Variants in ZNF721 observed in about 807,000 individuals in gnomAD.
The protein encoded by ZNF721 is zinc finger protein 721.
In ZNF721, 2 loss-of-function variants were observed where a neutral mutation model predicts 2.4. That is an observed-to-expected ratio of 0.82 (90% CI 0.34 to 2.58). The LOEUF (loss-of-function observed/expected upper bound fraction) is 2.58, where lower values mean the gene tolerates loss of function less well. ZNF721 is among the 30% of genes most tolerant of loss of function. The pLI is 0.11. For synonymous variants in ZNF721, 398 were observed against 381.8 expected, an observed-to-expected ratio of 1.04 and a Z score of -0.50; for missense variants, 1,187 against 1,085.5, an observed-to-expected ratio of 1.09 and a Z score of -1.31.
chr4:468,148 T>C (rs2108708622), intron 2 of ZNF721, among the ~76,000 whole-genome samples: 1 of 152,040 alleles, frequency 6.6e-6, no homozygotes, highest in East Asian at 1.9e-4. Context: ...GCGCCTTTAG[T>C]CCCAGCTACT....
intron 2 of ZNF721, among the ~76,000 whole-genome samples, chr4:445,352 C>A (rs1321458640): frequency 6.6e-6 from 1 of 152,138 alleles, no homozygotes; most frequent in Non-Finnish European, 1.5e-5. Flanking sequence ...AAATTCCAGA[C>A]AAGAGACATC....
intron 2 of ZNF721, 40 bp downstream of exon 2, chr4:472,535 A>G (rs1553867836): frequency 5.7e-6 from 9 of 1,572,188 alleles, no homozygotes; most frequent in Non-Finnish European, 6.9e-6. Flanking sequence ...AATAAAACTC[A>G]GAGGGAGTAT....
intron 2 of ZNF721, among the ~76,000 whole-genome samples, chr4:463,972 T>TA (rs1244955648): frequency 2.0e-5 from 3 of 152,104 alleles, no homozygotes; most frequent in Non-Finnish European, 2.9e-5. Flanking sequence ...ATAATTATCT[T>TA]AAAAAATCTC....
chr4:448,125 C>T (rs1379854484), intron 2 of ZNF721, among the ~76,000 whole-genome samples: 1 of 152,144 alleles, frequency 6.6e-6, no homozygotes, highest in African/African-American at 2.4e-5. Flanking sequence ...ATAGCTCATA[C>T]AATATTCTCC....
chr4:443,915 C>G lies in ZNF721; in HGVS notation c.552G>C (p.Lys184Asn). 1 of 1,614,076 alleles carries G rather than the reference C, an allele frequency of 6.2e-7. No homozygotes were observed. Among genetic ancestry groups the G allele is most frequent in the Non-Finnish European group, 8.5e-7 (1 of 1,180,010 alleles). The change falls in exon 3 of 3, where the codon AAG (lysine) becomes AAC (asparagine). Residue 184 changes from lysine (K) to asparagine (N), a missense_variant. Coordinates refer to ENST00000511833, the MANE Select transcript of ZNF721 (RefSeq NM_133474.4). ...AAGCTTTCTCTCTGTTGTGAATTCT[C>G]TTATGTGCAGTAAGGTTTGTTGACC... The part of the protein sequence containing the change: ...FNRSTNLTAH[K>N]RIHNREKAYT...
chr4:450,722 C>T (rs531041089), intron 2 of ZNF721, among the ~76,000 whole-genome samples: 85 of 151,562 alleles, frequency 5.6e-4, no homozygotes, highest in African/African-American at 1.6e-3. Flanking sequence ...CACATCACGA[C>T]GTCAGGAGAT....
At chr4:491,771 T>C (rs899404892) in intron 1 of ZNF721, among the ~76,000 whole-genome samples, 6 of 152,192 alleles carry the variant, frequency 3.9e-5, no homozygotes, top group Non-Finnish European at 8.8e-5. Flanking sequence ...GTGTCCTTTT[T>C]AGACCCAGGA....
chr4:445,010 A>C (rs1383144492), intron 2 of ZNF721, among the ~76,000 whole-genome samples: 1 of 115,352 alleles, frequency 8.7e-6, no homozygotes. Flanking sequence ...TTTGAGATGG[A>C]GTCTCACTCT....
intron 1 of ZNF721, among the ~76,000 whole-genome samples, chr4:490,423 T>C (rs377543315): frequency 2.0e-5 from 3 of 151,642 alleles, no homozygotes; most frequent in African/African-American, 7.3e-5. Flanking sequence ...GAGCCAAGAT[T>C]GTGCCACTGC....
intron 2 of ZNF721, among the ~76,000 whole-genome samples, chr4:449,680 CAA>C (rs1369545505): frequency 3.9e-5 from 6 of 152,154 alleles, no homozygotes; most frequent in African/African-American, 1.2e-4. Context: ...ATACATATGA[CAA>C]AAGATAAATT....
rs369813640 is a variant in ZNF721 at position 442,686 on chromosome 4, A to G, written c.1781T>C (p.Phe594Ser). 1.3e-4 allele frequency: 207 copies of G among 1,614,030 alleles called. No homozygotes were observed. Among genetic ancestry groups the G allele is most frequent in the Non-Finnish European group, 1.7e-4 (198 of 1,180,018 alleles). The change falls in exon 3 of 3, where the codon TTT (phenylalanine) becomes TCT (serine). Residue 594 changes from phenylalanine to serine, a missense_variant. Phe to Ser is a radical substitution (Grantham distance 155, BLOSUM62 -2). Coordinates refer to ENST00000511833, the MANE Select transcript of ZNF721 (RefSeq NM_133474.4). The stretch of plus-strand genomic sequence containing the variant: ...TTGATTCAGGTCTGTGTACCGTCCA[A>G]AGGCTTTGCCACACTCTTCACATTT... ...PYKCEECGKA[F>S]GRYTDLNQHK... is the part of the protein sequence containing the mutation.
intron 2 of ZNF721, among the ~76,000 whole-genome samples, chr4:454,927 C>T (rs1714798910): frequency 6.6e-6 from 1 of 152,184 alleles, no homozygotes. Flanking sequence ...AAAAGCCCCT[C>T]GTGACTGGGC....
Position 444,206 on chromosome 4 carries a change from G to C in ZNF721, c.261C>G (p.Val87=). The change falls in exon 3 of 3, where the codon GTC becomes GTG. Residue 87 remains valine (V), a synonymous_variant. Coordinates refer to ENST00000511833, the MANE Select transcript of ZNF721 (RefSeq NM_133474.4). ...QSKIFQCNAR[V]KVFSKFANSN... is the part of the protein sequence containing the mutation. Reference sequence around the variant, plus strand: ...AATTTGCAAATTTACTAAAAACTTTGACACGTGCATTACATTGAAATATTT... The same window carrying C: ...AATTTGCAAATTTACTAAAAACTTTCACACGTGCATTACATTGAAATATTT... The C allele has an allele frequency of 6.2e-7, 1 of 1,613,652 alleles. No homozygotes were observed. Among genetic ancestry groups the C allele is most frequent in the Non-Finnish European group, 8.5e-7 (1 of 1,179,746 alleles).
rs1351544109 is a variant in ZNF721 at position 443,143 on chromosome 4, C to G, written c.1324G>C (p.Asp442His). 3 of 1,613,724 alleles carry G rather than the reference C, an allele frequency of 1.9e-6. No individual in the cohort carries two copies. The highest frequency in any genetic ancestry group is 2.5e-6 in the Non-Finnish European group (3 of 1,179,882). ...CATTCTTTACATTTGTAGGGTTTAT[C>G]TCCAGTATGAATTTTCTTATATTCA... ...LNEYKKIHTG[D>H]KPYKCKECGK... The change falls in exon 3 of 3, where the codon GAT becomes CAT. Residue 442 changes from aspartate (D) to histidine (H), a missense_variant. By Grantham distance (81) the Asp-to-His change is moderately conservative. Coordinates refer to ENST00000511833, the MANE Select transcript of ZNF721 (RefSeq NM_133474.4).
intron 2 of ZNF721, among the ~76,000 whole-genome samples, chr4:456,962 A>G (rs1714868070): frequency 6.6e-6 from 1 of 152,188 alleles, no homozygotes; most frequent in Admixed American, 6.5e-5. Flanking sequence ...GAAAGAATAA[A>G]AAATTCTGAT....
chr4:463,813 G>A (rs1048270229), intron 2 of ZNF721, among the ~76,000 whole-genome samples: 8 of 152,062 alleles, frequency 5.3e-5, no homozygotes, highest in Non-Finnish European at 7.4e-5. Context: ...TGTAGATGAC[G>A]GGTTGATGGG....
Position 442,326 on chromosome 4 carries a change from G to A in ZNF721, c.2141C>T (p.Thr714Ile). The A allele has an allele frequency of 6.2e-7, 1 of 1,613,422 alleles. No homozygotes were observed. The highest frequency in any genetic ancestry group is 8.5e-7 in the Non-Finnish European group (1 of 1,179,700). ...KAFSRSRNLT[T>I]HRRVHTREKP... The stretch of plus-strand genomic sequence containing the variant: ...CTCCCTAGTGTGAACTCTCCTATGT[G>A]TAGTAAGGTTTCTTGACCTACTAAA... The change falls in exon 3 of 3, where the codon ACA (threonine) becomes ATA (isoleucine). Residue 714 changes from threonine (T) to isoleucine (I), a missense_variant. Thr to Ile is a moderately conservative substitution (Grantham distance 89). Coordinates refer to ENST00000511833, the MANE Select transcript of ZNF721 (RefSeq NM_133474.4).
In ZNF721 at chr4:498,587, G is replaced by C. The variant is rs1017459790; in HGVS notation, c.-94+469C>G. ...GAAACCCTATCATTTGCCACAACAC[G>C]GATAAACCTGAGGATATCATGTAAG... On this transcript the variant is annotated intron_variant, in intron 1 of 2. Coordinates refer to ENST00000511833, the MANE Select transcript of ZNF721 (RefSeq NM_133474.4). 7.7e-4 allele frequency among the ~76,000 whole-genome samples: 117 copies of C among 152,178 alleles called. 1 individual carries two copies. Among genetic ancestry groups the C allele is most frequent in the Non-Finnish European group, 1.0e-4 (7 of 68,014 alleles).
chr4:443,249 T>C lies in ZNF721; in HGVS notation c.1218A>G (p.Ala406=), dbSNP rs1339359206. The C allele has an allele frequency of 6.2e-7, 1 of 1,614,072 alleles. No individual in the cohort carries two copies. The change falls in exon 3 of 3, where the codon GCA becomes GCG. Residue 406 remains alanine (A), a synonymous_variant. Transcript: ENST00000511833. The stretch of plus-strand genomic sequence containing the variant: ...TCTCTCTGGTGTGAATTCTCTTATG[T>C]GCAGTAAGGTTTGTTGAACTATTAA... ...KAFNSSTNLT[A]HKRIHTREKP...
Sources: allele counts gnomAD v4.1 joint callset (sites outside exome capture counted in the v4.1 genomes callset), GRCh38; gene constraint gnomAD v4.1.1; transcripts MANE v1.5; gene names NCBI Gene and HGNC (gene_info 2026-07-23, HGNC 2026-07-21).